ZFYVE1: variants seen among roughly 807,000 people sequenced by gnomAD.
ZFYVE1 encodes the protein zinc finger FYVE-type containing 1, also known as zinc finger FYVE domain-containing protein 1.
A neutral mutation model predicts 74.4 loss-of-function variants in ZFYVE1; 30 were observed. The ratio of observed to expected loss-of-function variants is 0.40; its 90% confidence interval spans 0.30 to 0.55. The LOEUF is 0.55. Ranked by LOEUF, ZFYVE1 falls within the 20% of genes least tolerant of loss-of-function variation. The pLI, the probability that ZFYVE1 is intolerant of heterozygous loss-of-function variation, is 0.42. For synonymous variants in ZFYVE1, 335 were observed against 385.1 expected, an observed-to-expected ratio of 0.87 and a Z score of 1.52; for missense variants, 703 against 1,011.6, an observed-to-expected ratio of 0.69 and a Z score of 4.14.
intron 2 of ZFYVE1, among the ~76,000 whole-genome samples, chr14:73,002,984 C>T (rs1421083361): frequency 9.3e-5 from 14 of 151,012 alleles, no homozygotes; most frequent in Non-Finnish European, 1.0e-4. Flanking sequence ...CCTCGTGATC[C>T]GCCCGCCTCG....
In ZFYVE1 at chr14:72,978,566, C is replaced by CAAAAA. The variant is rs58858186; in HGVS notation, c.1419+290_1419+294dup. ...TGGCTGACAGAGCAAGACTCTGTCT[C>CAAAAA]AAAAAAAAAAAAAAAAAAAAAAAAA... On this transcript the variant is annotated intron_variant, in intron 6 of 11. Coordinates refer to ENST00000556143, the MANE Select transcript of ZFYVE1 (RefSeq NM_021260.4). Among the ~76,000 whole-genome samples the CAAAAA allele has an allele frequency of 8.9e-3, 453 of 51,000 alleles. 30 individuals are homozygous for CAAAAA. The highest frequency in any genetic ancestry group is 0.024 in the East Asian group (34 of 1,414). 33.5% of individuals were successfully genotyped at this position (51,000 alleles called of 152,430 possible). A position where few individuals can be genotyped will look rare whatever the true frequency, so the allele number is the denominator to read the frequency against.
chr14:73,005,666 C>A (rs551356297), intron 2 of ZFYVE1, among the ~76,000 whole-genome samples: 1 of 152,102 alleles, frequency 6.6e-6, no homozygotes, highest in Non-Finnish European at 1.5e-5. Flanking sequence ...CGACACTCAG[C>A]GGACTAAAAG....
At position 73,024,433 on chromosome 14, in the gene ZFYVE1, C is replaced by T; in HGVS notation, c.76G>A (p.Gly26Arg). ...CACTCAAAGATAGCTTCATCAGTCC[C>T]GCTGCAAGCGTAACTTTCCTGGCAC... ...LMCQESYACS[G>R]TDEAIFECDE... The change falls in exon 2 of 12, where the codon GGG becomes AGG. Residue 26 changes from glycine (G) to arginine (R), a missense_variant. Gly to Arg is a moderately radical substitution (Grantham distance 125). Coordinates refer to ENST00000556143, the MANE Select transcript of ZFYVE1 (RefSeq NM_021260.4). The T allele has an allele frequency of 2.5e-6, 4 of 1,614,094 alleles. No homozygotes were observed. Among genetic ancestry groups the T allele is most frequent in the Non-Finnish European group, 3.4e-6 (4 of 1,179,980 alleles).
At chr14:72,972,900 GGT>G (rs1893072100) in intron 11 of ZFYVE1, among the ~76,000 whole-genome samples, 2 of 151,900 alleles carry the variant, frequency 1.3e-5, no homozygotes, top group African/African-American at 4.8e-5. Flanking sequence ...AGTAGAGACG[GGT>G]TTTCACCGTG....
intron 2 of ZFYVE1, among the ~76,000 whole-genome samples, chr14:73,005,276 G>C (rs1246912363): frequency 6.6e-6 from 1 of 152,140 alleles, no homozygotes; most frequent in East Asian, 1.9e-4. Context: ...TCCCTTTGAT[G>C]AGGGAAGGAA....
chr14:72,980,555 T>G (rs1042266036), intron 5 of ZFYVE1, among the ~76,000 whole-genome samples: 2 of 150,644 alleles, frequency 1.3e-5, no homozygotes, highest in African/African-American at 4.9e-5. Context: ...ATTTATTTAT[T>G]TATTTATTTA....
At chr14:73,004,325 C>T (rs959356427) in intron 2 of ZFYVE1, among the ~76,000 whole-genome samples, 3 of 152,070 alleles carry the variant, frequency 2.0e-5, no homozygotes, top group African/African-American at 4.8e-5. Context: ...TACTCTGTCG[C>T]GACTCTTTAC....
intron 2 of ZFYVE1, among the ~76,000 whole-genome samples, chr14:73,013,407 A>G (rs745559970): frequency 6.6e-6 from 1 of 152,150 alleles, no homozygotes; most frequent in Non-Finnish European, 1.5e-5. Context: ...CAAGAGTCCA[A>G]GACCAGCCTG....
chr14:73,017,742 C>T (rs1317017892), intron 2 of ZFYVE1, among the ~76,000 whole-genome samples: 2 of 152,168 alleles, frequency 1.3e-5, no homozygotes, highest in Non-Finnish European at 2.9e-5. Context: ...ATCTACACCA[C>T]TTCTTTCCCC....
At position 72,974,885 on chromosome 14, in the gene ZFYVE1, G is replaced by A; in HGVS notation, c.1881C>T (p.Phe627=). 1.9e-6 allele frequency: 3 copies of A among 1,614,162 alleles called. No homozygotes were observed. The highest frequency in any genetic ancestry group is 2.5e-6 in the Non-Finnish European group (3 of 1,179,998). The part of the protein sequence containing the change: ...KHHCRACGEG[F]CDSCSSKTRP... ...GAGTCTTTGATGAACAGCTGTCACA[G>A]AAGCCCTCCCCACAGGCTCGGCAGT... Residue 627 remains phenylalanine, a synonymous_variant, in exon 10 of 12, where the codon TTC becomes TTT. Coordinates refer to ENST00000556143, the MANE Select transcript of ZFYVE1 (RefSeq NM_021260.4).
chr14:73,024,277 T>G lies in ZFYVE1; in HGVS notation c.232A>C (p.Ser78Arg), dbSNP rs756485596. The G allele has an allele frequency of 6.2e-7, 1 of 1,614,156 alleles. No individual in the cohort carries two copies. Among genetic ancestry groups the G allele is most frequent in the East Asian group, 2.2e-5 (1 of 44,884 alleles). The change falls in exon 2 of 12, where the codon AGT becomes CGT. Residue 78 changes from serine (S) to arginine (R), a missense_variant. Ser to Arg is a moderately radical substitution (Grantham distance 110). Coordinates refer to ENST00000556143, the MANE Select transcript of ZFYVE1 (RefSeq NM_021260.4). The stretch of plus-strand genomic sequence containing the variant: ...TGCCTAACACCTGGTAAATGCCCAC[T>G]GAGACCCTTGCAGAGGTCACAGTAA... ...VPYCDLCKGL[S>R]GHLPGVRQRA...
At chr14:72,990,631 G>A (rs896864734) in intron 4 of ZFYVE1, among the ~76,000 whole-genome samples, 12 of 149,258 alleles carry the variant, frequency 8.0e-5, no homozygotes, top group African/African-American at 2.5e-4. Flanking sequence ...CCCAACCTCA[G>A]GTGATCCATC....
At chr14:73,013,317 G>A (rs895878754) in intron 2 of ZFYVE1, among the ~76,000 whole-genome samples, 5 of 152,132 alleles carry the variant, frequency 3.3e-5, no homozygotes, top group Non-Finnish European at 5.9e-5. Flanking sequence ...TGAGAAGAGG[G>A]GCAAAATGGG....
intron 2 of ZFYVE1, among the ~76,000 whole-genome samples, chr14:73,010,516 A>C (rs1161811942): frequency 6.6e-6 from 1 of 151,884 alleles, no homozygotes; most frequent in African/African-American, 2.4e-5. Context: ...CAGGAGAATC[A>C]CTTGAACCGG....
chr14:73,011,984 G>A (rs1368363236), intron 2 of ZFYVE1, among the ~76,000 whole-genome samples: 1 of 151,856 alleles, frequency 6.6e-6, no homozygotes, highest in South Asian at 2.1e-4. Flanking sequence ...GGGAGGCCGA[G>A]GCAGAAGGAT....
At chr14:72,996,994 T>C (rs1893763631) in intron 3 of ZFYVE1, among the ~76,000 whole-genome samples, 1 of 152,208 alleles carries the variant, frequency 6.6e-6, no homozygotes, top group African/African-American at 2.4e-5. Flanking sequence ...CAATCTTGCT[T>C]CCTATTTCTC....
rs545736858 is a variant in ZFYVE1 at position 72,981,922 on chromosome 14, A to G, written c.1204-27T>C. 25 of 1,608,544 alleles carry G rather than the reference A, an allele frequency of 1.6e-5. 1 individual carries two copies. In the South Asian group the frequency reaches 2.5e-4, roughly 16 times the overall value. On this transcript the variant is annotated intron_variant, in intron 4 of 11. Coordinates refer to ENST00000556143, the MANE Select transcript of ZFYVE1 (RefSeq NM_021260.4). The stretch of plus-strand genomic sequence containing the variant: ...TGCCAAGGAGGGAAGGTGACATATG[A>G]TGGCACTCAGTAGAGAGCTCCGCAC...
Position 72,992,424 on chromosome 14 carries a change from C to T in ZFYVE1, c.1203+719G>A, listed in dbSNP as rs58511921. On this transcript the variant is annotated intron_variant, in intron 4 of 11. Coordinates refer to ENST00000556143, the MANE Select transcript of ZFYVE1 (RefSeq NM_021260.4). ...AACCAATTACTACATCTCTTGGTGC[C>T]TCCGTTTCCTCATCTGTAAATGAGG... 0.016 allele frequency among the ~76,000 whole-genome samples: 2,388 copies of T among 152,210 alleles called. 140 individuals are homozygous for T. The East Asian group carries it at 0.21, about 14-fold the overall frequency.
chr14:73,026,623 CG>C (rs1894466881), intron 1 of ZFYVE1, among the ~76,000 whole-genome samples: 2 of 152,116 alleles, frequency 1.3e-5, no homozygotes. Context: ...TTTGCCCACT[CG>C]GGCCCCCACC....
Sources: allele counts gnomAD v4.1 joint callset (sites outside exome capture counted in the v4.1 genomes callset), GRCh38; gene constraint gnomAD v4.1.1; transcripts MANE v1.5; gene names NCBI Gene and HGNC (gene_info 2026-07-23, HGNC 2026-07-21).